KCNK2: variants seen among roughly 807,000 people sequenced by gnomAD.
KCNK2 encodes potassium two pore domain channel subfamily K member 2, also known as potassium channel subfamily K member 2.
Under a neutral mutation model 40.5 loss-of-function variants are expected in KCNK2, and 21 were observed. That is an observed-to-expected ratio of 0.52 (90% confidence interval 0.37 to 0.75). KCNK2 has a LOEUF of 0.75. KCNK2 is among the 30% of genes least tolerant of loss of function. KCNK2 has a pLI of 0.00. For missense variants in KCNK2, 399 were observed against 531.6 expected (o/e 0.75, Z 2.45); for synonymous variants, 191 against 202.2 (o/e 0.94, Z 0.47).
chr1:215,017,311 T>A (rs1450876600), intron 1 of KCNK2, among the ~76,000 whole-genome samples: 5 of 152,172 alleles, frequency 3.3e-5, no homozygotes, highest in Admixed American at 3.3e-4. Flanking sequence ...GCAGCACTAT[T>A]CATAATAGTC....
rs12082557 is a variant in KCNK2, at chr1:215,199,232, C to T, written c.963+4140C>T. Among the ~76,000 whole-genome samples the T allele has an allele frequency of 6.9e-3, 1,043 of 151,854 alleles. 12 individuals are homozygous for T. Among genetic ancestry groups the T allele is most frequent in the African/African-American group, 0.023 (968 of 41,406 alleles). On this transcript the variant is annotated intron_variant, in intron 6 of 6. Coordinates refer to ENST00000444842, the MANE Select transcript of KCNK2 (RefSeq NM_001017425.3). ...CTGAGGCAGGAGAATTGCTTGGACC[C>T]GGGGAGGCAGAGGTTCCAGTGAGCC... is the stretch of plus-strand genomic sequence containing the variant.
At chr1:215,047,308 A>C (rs1172986166) in intron 1 of KCNK2, among the ~76,000 whole-genome samples, 7 of 152,132 alleles carry the variant, frequency 4.6e-5, no homozygotes, top group Admixed American at 4.6e-4. Context: ...TAGTTTTAAA[A>C]GACACAGAAC....
At chr1:215,007,185 G>GTGTATATATA (rs1398746959) in intron 1 of KCNK2, among the ~76,000 whole-genome samples, 8 of 31,026 alleles carry the variant, frequency 2.6e-4, no homozygotes, top group African/African-American at 9.8e-4. Context: ...ATGTGTGTGG[G>GTGTATATATA]TATATATATA....
intron 3 of KCNK2, among the ~76,000 whole-genome samples, chr1:215,127,592 T>A (rs1661490217): frequency 6.6e-6 from 1 of 152,182 alleles, no homozygotes; most frequent in Admixed American, 6.5e-5. Flanking sequence ...AGCAGCATCA[T>A]CACATGCCAG....
At chr1:215,036,437 G>A (rs527909707) in intron 1 of KCNK2, among the ~76,000 whole-genome samples, 117 of 151,196 alleles carry the variant, frequency 7.7e-4, no homozygotes, top group African/African-American at 2.6e-3. Context: ...CTTAACATTC[G>A]CTTCATAAAA....
At chr1:215,111,601 G>T (rs1447978177) in intron 2 of KCNK2, among the ~76,000 whole-genome samples, 1 of 151,762 alleles carries the variant, frequency 6.6e-6, no homozygotes, top group Non-Finnish European at 1.5e-5. Context: ...TTTCTGTTGG[G>T]TTCTTGTTTA....
At chr1:215,208,661 C>G (rs1403389411) in intron 6 of KCNK2, among the ~76,000 whole-genome samples, 1 of 151,956 alleles carries the variant, frequency 6.6e-6, no homozygotes, top group Non-Finnish European at 1.5e-5. Flanking sequence ...AAATATTGCC[C>G]TAAAGCTAGG....
At chr1:215,050,203 A>G (rs886324457) in intron 1 of KCNK2, among the ~76,000 whole-genome samples, 1 of 152,152 alleles carries the variant, frequency 6.6e-6, no homozygotes, top group African/African-American at 2.4e-5. Context: ...CAGATTCTAT[A>G]CATATTTTGT....
At chr1:215,103,692 T>C (rs1660315772) in intron 2 of KCNK2, among the ~76,000 whole-genome samples, 1 of 152,070 alleles carries the variant, frequency 6.6e-6, no homozygotes, top group African/African-American at 2.4e-5. Flanking sequence ...ATAATAATGA[T>C]ATCATTCCTG....
intron 6 of KCNK2, among the ~76,000 whole-genome samples, chr1:215,200,094 T>G (rs1665022949): frequency 6.6e-6 from 1 of 152,174 alleles, no homozygotes; most frequent in African/African-American, 2.4e-5. Context: ...CCAATATCAT[T>G]TCCTTAGTCT....
rs1001797419 is a variant in KCNK2 at position 215,124,043 on chromosome 1, A to C, written c.358-590A>C. Among the ~76,000 whole-genome samples, 6 of 152,310 alleles carry C rather than the reference A, an allele frequency of 3.9e-5. No individual in the cohort carries two copies. In the East Asian group the frequency reaches 1.2e-3, roughly 29 times the overall value. On this transcript the variant is annotated intron_variant, in intron 2 of 6. Coordinates refer to ENST00000444842, the MANE Select transcript of KCNK2 (RefSeq NM_001017425.3). ...TTCTTATTGTCATAGAATTTATTAAAATCTGTAGAAATTCTAAGAGTCTAC... is the reference window on the plus strand; with the variant it reads ...TTCTTATTGTCATAGAATTTATTAACATCTGTAGAAATTCTAAGAGTCTAC...
intron 6 of KCNK2, among the ~76,000 whole-genome samples, chr1:215,199,175 G>A (rs1664983406): frequency 6.6e-6 from 1 of 151,982 alleles, no homozygotes; most frequent in Non-Finnish European, 1.5e-5. Context: ...GGGTATGGGG[G>A]TGGGTGCCTG....
chr1:215,134,184 T>C (rs1021430631), intron 3 of KCNK2, among the ~76,000 whole-genome samples: 3 of 152,194 alleles, frequency 2.0e-5, no homozygotes, highest in African/African-American at 7.2e-5. Context: ...GTGGGATTTT[T>C]CTGCAGTTCT....
At chr1:215,041,931 T>C (rs1657579757) in intron 1 of KCNK2, among the ~76,000 whole-genome samples, 1 of 152,132 alleles carries the variant, frequency 6.6e-6, no homozygotes, top group Non-Finnish European at 1.5e-5. Flanking sequence ...CAGGAAGCCC[T>C]CACAATCATG....
intron 6 of KCNK2, among the ~76,000 whole-genome samples, chr1:215,209,452 A>T (rs1665504015): frequency 4.5e-5 from 1 of 22,304 alleles, no homozygotes; most frequent in Non-Finnish European, 7.3e-5. Context: ...TATAATATAT[A>T]TTATATATTA....
intron 6 of KCNK2, among the ~76,000 whole-genome samples, chr1:215,228,226 C>T (rs1003772305): frequency 1.3e-5 from 2 of 152,094 alleles, no homozygotes; most frequent in African/African-American, 2.4e-5. Context: ...GAAAATGAAG[C>T]TACAAAGATG....
At chr1:215,130,947 G>A (rs989371918) in intron 3 of KCNK2, among the ~76,000 whole-genome samples, 4 of 151,626 alleles carry the variant, frequency 2.6e-5, no homozygotes, top group African/African-American at 7.2e-5. Flanking sequence ...TGCAAGCTCC[G>A]CCTCCCAGGT....
In KCNK2 at chr1:215,116,570, G is replaced by T. The variant is rs545660938; in HGVS notation, c.358-8063G>T. On this transcript the variant is annotated intron_variant, in intron 2 of 6. Coordinates refer to ENST00000444842, the MANE Select transcript of KCNK2 (RefSeq NM_001017425.3). Reference sequence around the variant, plus strand: ...ACACTTTCAAAAGAGCAAGAAAAAAGCTGTACACTTCATTAGTCTGTTTAA... The same window carrying T: ...ACACTTTCAAAAGAGCAAGAAAAAATCTGTACACTTCATTAGTCTGTTTAA... Among the ~76,000 whole-genome samples the T allele has an allele frequency of 3.7e-4, 56 of 152,050 alleles. 1 individual carries two copies. Among genetic ancestry groups the T allele is most frequent in the Admixed American group, 3.7e-3 (56 of 15,244 alleles).
At chr1:215,220,042 A>G (rs1456299669) in intron 6 of KCNK2, among the ~76,000 whole-genome samples, 1 of 152,344 alleles carries the variant, frequency 6.6e-6, no homozygotes, top group Non-Finnish European at 1.5e-5. Flanking sequence ...GAGAAAATAT[A>G]TGAGTGTTTA....
Sources: gnomAD v4.1 joint callset for allele counts (sites outside exome capture counted in the v4.1 genomes callset) on GRCh38, gnomAD v4.1.1 for gene constraint, MANE v1.5 for transcripts, NCBI Gene and HGNC (gene_info 2026-07-23, HGNC 2026-07-21) for gene names.